The following TLE3 variants were observed in gnomAD, a reference collection of about 807,000 sequenced individuals.
TLE3 encodes transducin-like enhancer protein 3.
TLE3 carries 14 observed loss-of-function variants against 93.0 expected under a neutral mutation model. The observed-to-expected ratio is 0.15, with a 90% CI of 0.10 to 0.24. The LOEUF (loss-of-function observed/expected upper bound fraction) is 0.24. TLE3 is among the 10% of genes least tolerant of loss of function. The pLI is 1.00. For synonymous variants in TLE3, 451 were observed against 425.0 expected (o/e 1.06, Z -0.75); for missense variants, 693 against 1,046.6 (o/e 0.66, Z 4.66).
At chr15:70,082,156 A>T (rs1298596817) in intron 4 of TLE3, among the ~76,000 whole-genome samples, 2 of 152,196 alleles carry the variant, frequency 1.3e-5, no homozygotes, top group Admixed American at 6.5e-5. Context: ...CGTCTGGGCA[A>T]TTTTAACTTA....
chr15:70,095,046 C>T (rs376341165), intron 3 of TLE3, among the ~76,000 whole-genome samples: 1 of 152,176 alleles, frequency 6.6e-6, no homozygotes, highest in Admixed American at 6.5e-5. Flanking sequence ...GAGAAGATAC[C>T]CAGCTGGGGG....
At chr15:70,094,136 G>GA (rs376435158) in intron 4 of TLE3, among the ~76,000 whole-genome samples, 2,514 of 133,288 alleles carry the variant, frequency 0.019, 74 homozygotes, top group African/African-American at 0.064. Flanking sequence ...TCTGCAAAAA[G>GA]AAAAAAAAAA....
At position 70,079,300 on chromosome 15, in the gene TLE3, C is replaced by A. The variant is rs555452143; in HGVS notation, c.235-3142G>T. 3.8e-4 allele frequency: 178 copies of A among 472,058 alleles called. 5 individuals carry two copies. Among genetic ancestry groups the A allele is most frequent in the South Asian group, 2.6e-3 (167 of 64,946 alleles). The allele number at this position is 472,058 out of a possible 1,614,324, so 29.2% of individuals were successfully genotyped here. A position where few individuals can be genotyped will look rare whatever the true frequency, so the allele number is the denominator to read the frequency against. ...TGTCTTTCCTGAGGCCCATGTTCGA[C>A]GAAGAGAGGCCTCTCTGCAAGGCAG... is the stretch of plus-strand genomic sequence containing the variant. On this transcript the variant is annotated intron_variant, in intron 4 of 19. Coordinates refer to ENST00000451782, the MANE Select transcript of TLE3 (RefSeq NM_001105192.3).
intron 4 of TLE3, among the ~76,000 whole-genome samples, chr15:70,083,956 G>T (rs894137416): frequency 1.3e-5 from 2 of 152,126 alleles, no homozygotes; most frequent in African/African-American, 4.8e-5. Flanking sequence ...AAATAAAAAG[G>T]GTTAGAGGGT....
At chr15:70,054,972 G>C (rs1482302402) in intron 15 of TLE3, 77 bp downstream of exon 15, 1 of 1,501,668 alleles carries the variant, frequency 6.7e-7, no homozygotes, top group Non-Finnish European at 8.9e-7. Context: ...CCAGGCCCTG[G>C]GGCTCTCCCC....
intron 2 of TLE3, 35 bp downstream of exon 2, chr15:70,096,126 C>A (rs1427797735): frequency 6.5e-7 from 1 of 1,538,786 alleles, no homozygotes; most frequent in East Asian, 2.5e-5. Flanking sequence ...CCCACCCCTC[C>A]CCGCCAGCCC....
Position 70,096,805 on chromosome 15 carries a change from G to A in TLE3, c.-7C>T. The A allele has an allele frequency of 2.5e-6, 4 of 1,612,458 alleles. No individual in the cohort carries two copies. Among genetic ancestry groups the A allele is most frequent in the Non-Finnish European group, 2.5e-6 (3 of 1,179,528 alleles). On this transcript the variant is annotated 5_prime_UTR_variant, in exon 1 of 20. Transcript: ENST00000451782. ...GTCTGCCCTGCGGATACATGGCAGG[G>A]AGGGGTCGTGATTCCGAGAGCGTGG...
intron 6 of TLE3, among the ~76,000 whole-genome samples, chr15:70,071,512 C>T (rs772630234): frequency 1.3e-5 from 2 of 152,168 alleles, no homozygotes; most frequent in Admixed American, 6.5e-5. Flanking sequence ...AAATATGCCA[C>T]CAGCTACCTC....
At chr15:70,068,954 G>A (rs1247515081) in intron 6 of TLE3, among the ~76,000 whole-genome samples, 1 of 152,198 alleles carries the variant, frequency 6.6e-6, no homozygotes, top group African/African-American at 2.4e-5. Context: ...ATGAGTCCTT[G>A]GACAAGTCAG....
chr15:70,055,210 G>T lies in TLE3; in HGVS notation c.1417C>A (p.His473Asn). The change falls in exon 15 of 20, where the codon CAC becomes AAC. Residue 473 changes from histidine (H) to asparagine (N), a missense_variant. Coordinates refer to ENST00000451782, the MANE Select transcript of TLE3 (RefSeq NM_001105192.3). ...DALAGPGIPR[H>N]ARQINTLSHG... The stretch of plus-strand genomic sequence containing the variant: ...CTGAGTGTGTTGATCTGCCGGGCGT[G>T]CCTCGGGATGCCGGGGCCTGCCAGG... The T allele has an allele frequency of 6.2e-7, 1 of 1,613,750 alleles. No individual in the cohort carries two copies. Among genetic ancestry groups the T allele is most frequent in the Non-Finnish European group, 8.5e-7 (1 of 1,179,914 alleles).
chr15:70,072,797 C>T (rs1402583025), intron 6 of TLE3, among the ~76,000 whole-genome samples: 1 of 152,212 alleles, frequency 6.6e-6, no homozygotes, highest in Non-Finnish European at 1.5e-5. Context: ...GAACATCCCA[C>T]AATGCACAGG....
rs768447778 is a variant in TLE3 at position 70,054,643 on chromosome 15, C to T, written c.1621G>A (p.Gly541Arg). 1 of 1,607,050 alleles carries T rather than the reference C, an allele frequency of 6.2e-7. No individual in the cohort carries two copies. Among genetic ancestry groups the T allele is most frequent in the South Asian group, 1.1e-5 (1 of 90,712 alleles). ...TCGCCGCCCACGATGAGCGTGCGCC[C>T]ATCAGGGAGCAGCTTGCAGGAGCGG... The part of the protein sequence containing the change: ...YIRSCKLLPD[G>R]RTLIVGGEAS... The change falls in exon 16 of 20, where the codon GGG becomes AGG. Residue 541 changes from glycine (G) to arginine (R), a missense_variant. By Grantham distance (125) the Gly-to-Arg change is moderately radical. Coordinates refer to ENST00000451782, the MANE Select transcript of TLE3 (RefSeq NM_001105192.3).
Position 70,065,230 on chromosome 15 carries a change from G to A in TLE3, c.578-760C>T, listed in dbSNP as rs928928811. Among the ~76,000 whole-genome samples, 9 of 152,244 alleles carry A rather than the reference G, an allele frequency of 5.9e-5. No individual in the cohort carries two copies. In the South Asian group the frequency reaches 8.3e-4, roughly 14 times the overall value. On this transcript the variant is annotated intron_variant, in intron 7 of 19. Transcript: ENST00000451782. ...TTGGCTACGTGCCCCAGTAAATACCGTATCTAAGGGCAGAGTGCATTTGGC... is the reference window on the plus strand; with the variant it reads ...TTGGCTACGTGCCCCAGTAAATACCATATCTAAGGGCAGAGTGCATTTGGC...
At chr15:70,066,863 A>C in intron 6 of TLE3, 1 of 322,920 alleles carries the variant, frequency 3.1e-6, no homozygotes, top group Non-Finnish European at 6.4e-6. Flanking sequence ...ACAGGATTGA[A>C]ATCCCAGCTC....
At chr15:70,055,465 A>C in intron 14 of TLE3, 167 bp from the exon 15 acceptor site, 2 of 836,690 alleles carry the variant, frequency 2.4e-6, no homozygotes, top group Non-Finnish European at 3.3e-6. Context: ...GGATGGCTCC[A>C]TCGAGGTAGA....
intron 4 of TLE3, among the ~76,000 whole-genome samples, chr15:70,093,873 G>A (rs1182703813): frequency 6.6e-6 from 1 of 152,140 alleles, no homozygotes; most frequent in Non-Finnish European, 1.5e-5. Context: ...CGAAAGTCCT[G>A]GCTAGGCTGC....
At chr15:70,066,897 TG>T in intron 6 of TLE3, 1 of 385,780 alleles carries the variant, frequency 2.6e-6, no homozygotes, top group Non-Finnish European at 5.3e-6. Context: ...CTGTGTGGCC[TG>T]GGGCAGGTTA....
At position 70,049,931 on chromosome 15, in the gene TLE3, G is replaced by C. The variant is rs2055369395; in HGVS notation, c.*166C>G. On this transcript the variant is annotated 3_prime_UTR_variant, in exon 20 of 20. Transcript: ENST00000451782. Reference sequence around the variant, plus strand: ...ACATCAATCCAGGCCCAGGAGTCCAGACTGTGACGGGGCACGTGCCCTCTC... The same window carrying C: ...ACATCAATCCAGGCCCAGGAGTCCACACTGTGACGGGGCACGTGCCCTCTC... The C allele has an allele frequency of 8.3e-6, 5 of 602,278 alleles. No homozygotes were observed. In the African/African-American group the frequency reaches 9.3e-5, roughly 11 times the overall value. 37.3% of individuals were successfully genotyped at this position (602,278 alleles called of 1,614,324 possible).
intron 4 of TLE3, among the ~76,000 whole-genome samples, chr15:70,090,694 G>A (rs943335497): frequency 4.6e-5 from 7 of 152,290 alleles, no homozygotes; most frequent in Non-Finnish European, 8.8e-5. Flanking sequence ...AGGGTAAAAA[G>A]TTCACAGGTT....
Sources: gnomAD v4.1 joint callset for allele counts (sites outside exome capture counted in the v4.1 genomes callset) on GRCh38, gnomAD v4.1.1 for gene constraint, MANE v1.5 for transcripts, NCBI Gene and HGNC (gene_info 2026-07-23, HGNC 2026-07-21) for gene names.